NXN: variants seen among roughly 807,000 people sequenced by gnomAD.
NXN encodes nucleoredoxin 1.
NXN carries 16 observed loss-of-function variants against 48.6 expected under a neutral mutation model. That is an observed-to-expected ratio of 0.33 (90% CI 0.22 to 0.50). The LOEUF (loss-of-function observed/expected upper bound fraction) is 0.50, where lower values mean the gene tolerates loss of function less well. Among genes scored for constraint, NXN ranks in the 20% least tolerant of loss-of-function variants. The pLI, the probability that NXN is intolerant of heterozygous loss-of-function variation, is 0.98. For synonymous variants in NXN, 281 were observed against 269.6 expected, an observed-to-expected ratio of 1.04 and a Z score of -0.41; for missense variants, 492 against 605.5, an observed-to-expected ratio of 0.81 and a Z score of 1.97.
At chr17:843,031 AGAAAGAAAGAAAGAAAGAAAGAAAGAAG>A (rs1217594635) in intron 1 of NXN, among the ~76,000 whole-genome samples, 10 of 141,784 alleles carry the variant, frequency 7.1e-5, no homozygotes, top group East Asian at 6.0e-4. Flanking sequence ...AAAGAAAGAA[AGAAAGAAAGAAAGAAAGAAAGAAAGAAG>A]GAAGAAAGCA....
At chr17:815,647 GCACC>G (rs1912431882) in intron 5 of NXN, among the ~76,000 whole-genome samples, 1 of 152,074 alleles carries the variant, frequency 6.6e-6, no homozygotes, top group Admixed American at 6.6e-5. Context: ...AGGCGATGAG[GCACC>G]CACAGTTCAG....
intron 5 of NXN, among the ~76,000 whole-genome samples, chr17:806,495 C>T (rs917675993): frequency 4.6e-5 from 7 of 152,170 alleles, no homozygotes; most frequent in African/African-American, 1.7e-4. Flanking sequence ...CGCAGCCTCT[C>T]CTCCAGCCAG....
At chr17:894,696 C>T (rs2068457187) in intron 1 of NXN, among the ~76,000 whole-genome samples, 2 of 152,364 alleles carry the variant, frequency 1.3e-5, no homozygotes, top group Non-Finnish European at 2.9e-5. Context: ...CCTGGGGGTC[C>T]TGCCGGGGGC....
At position 830,427 on chromosome 17, in the gene NXN, G is replaced by A. The variant is rs6598827; in HGVS notation, c.361-4349C>T. On this transcript the variant is annotated intron_variant, in intron 1 of 7. Coordinates refer to ENST00000336868, the MANE Select transcript of NXN (RefSeq NM_022463.5). This position sits in a 1 kb window ranked among gnomAD's most constrained non-coding sequence, Gnocchi z 4.2. ...GCAACTGGGAAGCTGGGATGGCAGC[G>A]TGGATTCCAGAGACAGGCGTCCGGG... Among the ~76,000 whole-genome samples, 3 of 151,664 alleles carry A rather than the reference G, an allele frequency of 2.0e-5. No homozygotes were observed. Among genetic ancestry groups the A allele is most frequent in the Non-Finnish European group, 2.9e-5 (2 of 67,904 alleles).
chr17:904,346 G>A (rs572268150), intron 1 of NXN, among the ~76,000 whole-genome samples: 12 of 152,244 alleles, frequency 7.9e-5, no homozygotes, highest in Non-Finnish European at 1.2e-4. Context: ...ATGGTGCCCC[G>A]TGGCCACGAA....
At chr17:937,798 ATGAT>A (rs1258033894) in intron 1 of NXN, among the ~76,000 whole-genome samples, 1 of 152,220 alleles carries the variant, frequency 6.6e-6, no homozygotes, top group East Asian at 1.9e-4. Context: ...TTCGATGATG[ATGAT>A]TATTTTTTAA....
intron 5 of NXN, among the ~76,000 whole-genome samples, chr17:806,934 AC>A (rs1911573756): frequency 1.3e-5 from 2 of 150,150 alleles, no homozygotes; most frequent in Admixed American, 1.3e-4. Flanking sequence ...ACACACACAC[AC>A]ACACACACAC....
rs113131015 is a variant in NXN at position 846,444 on chromosome 17, GA to G, written c.361-20367del. Among the ~76,000 whole-genome samples the G allele has an allele frequency of 4.6e-3, 677 of 146,088 alleles. 3 individuals are homozygous for G. The highest frequency in any genetic ancestry group is 0.015 in the African/African-American group (604 of 39,638). ...AAAAAAAAAAAAAGAAAAGAAAAAA[GA>G]AAAAAAATTTTAAGGAAATTGAACA... On this transcript the variant is annotated intron_variant, in intron 1 of 7. Coordinates refer to ENST00000336868, the MANE Select transcript of NXN (RefSeq NM_022463.5).
At position 895,780 on chromosome 17, in the gene NXN, T is replaced by G. The variant is rs570774494; in HGVS notation, c.361-69702A>C. ...TTGCAGTGAGCCGAGATCGCACCAC[T>G]GCACTCCAGCCTGGGTTTTGTTTGT... is the stretch of plus-strand genomic sequence containing the variant. On this transcript the variant is annotated intron_variant, in intron 1 of 7. Coordinates refer to ENST00000336868, the MANE Select transcript of NXN (RefSeq NM_022463.5). 4.2e-3 allele frequency among the ~76,000 whole-genome samples: 184 copies of G among 44,286 alleles called. 1 individual carries two copies. The African/African-American group carries it at 0.051, about 12-fold the overall frequency. 29.1% of individuals were successfully genotyped at this position (44,286 alleles called of 152,430 possible). A position where few individuals can be genotyped will look rare whatever the true frequency, so the allele number is the denominator to read the frequency against.
chr17:952,818 G>A (rs973698666), intron 1 of NXN, among the ~76,000 whole-genome samples: 1 of 146,618 alleles, frequency 6.8e-6, no homozygotes, highest in African/African-American at 2.5e-5. Context: ...CACACTGTGG[G>A]GGGGCTGGAG....
rs142650500 is a variant in NXN at position 849,394 on chromosome 17, G to T, written c.361-23316C>A. Among the ~76,000 whole-genome samples the T allele has an allele frequency of 6.6e-6, 1 of 152,146 alleles. No homozygotes were observed. The highest frequency in any genetic ancestry group is 1.5e-5 in the Non-Finnish European group (1 of 68,010). On this transcript the variant is annotated intron_variant, in intron 1 of 7. Transcript: ENST00000336868. The surrounding 1 kb of genome is among the most constrained non-coding windows in gnomAD (Gnocchi z 4.2). ...CTAAAAATACAAAAATTAGCTGGGC[G>T]TGGTGGCAGGTACCTGTAATCCCAG...
intron 3 of NXN, among the ~76,000 whole-genome samples, chr17:822,729 G>A (rs533625415): frequency 6.6e-6 from 1 of 152,118 alleles, no homozygotes; most frequent in Non-Finnish European, 1.5e-5. Flanking sequence ...TCTTAATGGT[G>A]GGCATCTGGC....
chr17:812,138 A>G (rs982997238), intron 5 of NXN, among the ~76,000 whole-genome samples: 8 of 150,590 alleles, frequency 5.3e-5, no homozygotes, highest in African/African-American at 9.8e-5. Context: ...CGTGTTAGCC[A>G]GGACGGTCTC....
In NXN at chr17:919,057, C is replaced by A. The variant is rs2068718790; in HGVS notation, c.360+60262G>T. Among the ~76,000 whole-genome samples the A allele has an allele frequency of 6.6e-6, 1 of 150,738 alleles. No homozygotes were observed. Among genetic ancestry groups the A allele is most frequent in the African/African-American group, 2.5e-5 (1 of 40,608 alleles). Reference sequence around the variant, plus strand: ...TCCAGCCTGGGCAACAGAGTAAGACCCTATTGCTTTAAAAAAAAAAAATGT... The same window carrying A: ...TCCAGCCTGGGCAACAGAGTAAGACACTATTGCTTTAAAAAAAAAAAATGT... On this transcript the variant is annotated intron_variant, in intron 1 of 7. Coordinates refer to ENST00000336868, the MANE Select transcript of NXN (RefSeq NM_022463.5). The surrounding 1 kb of genome is among the most constrained non-coding windows in gnomAD (Gnocchi z 5.1).
chr17:858,056 G>C (rs1567836701), intron 1 of NXN, among the ~76,000 whole-genome samples: 1 of 149,620 alleles, frequency 6.7e-6, no homozygotes, highest in African/African-American at 2.5e-5. Flanking sequence ...CTGCAGCCTC[G>C]ACCTCCCAGG....
intron 1 of NXN, among the ~76,000 whole-genome samples, chr17:957,830 G>C (rs1461103110): frequency 1.3e-5 from 2 of 152,058 alleles, no homozygotes; most frequent in African/African-American, 2.4e-5. Context: ...AGACCCGAGA[G>C]AGGCAGCTCT....
intron 1 of NXN, among the ~76,000 whole-genome samples, chr17:868,853 C>T (rs2068122210): frequency 6.6e-6 from 1 of 152,220 alleles, no homozygotes; most frequent in Non-Finnish European, 1.5e-5. Context: ...GCCGGGCCCA[C>T]CATCCCGCCT....
chr17:812,578 T>G (rs924572335), intron 5 of NXN, among the ~76,000 whole-genome samples: 3 of 152,068 alleles, frequency 2.0e-5, no homozygotes, highest in African/African-American at 7.2e-5. Flanking sequence ...AGTCTGTGTG[T>G]GCACGTGTGT....
intron 5 of NXN, 118 bp downstream of exon 5, chr17:819,321 C>A: frequency 1.3e-6 from 1 of 748,560 alleles, no homozygotes; most frequent in Non-Finnish European, 2.4e-6. Context: ...ACATGAAAGG[C>A]ACATGAATAT....
Sources: allele counts gnomAD v4.1 joint callset (sites outside exome capture counted in the v4.1 genomes callset), GRCh38; gene constraint gnomAD v4.1.1; non-coding constraint Gnocchi (gnomAD v3.1); transcripts MANE v1.5; gene names NCBI Gene and HGNC (gene_info 2026-07-23, HGNC 2026-07-21).